The following RNF167 variants were observed in gnomAD, a reference collection of about 807,000 sequenced individuals.
RNF167 encodes E3 ubiquitin-protein ligase RNF167.
RNF167 carries 19 observed loss-of-function variants against 34.8 expected under a neutral mutation model. The observed-to-expected ratio is 0.55, with a 90% CI of 0.38 to 0.80. The LOEUF is 0.80. Ranked by LOEUF, RNF167 falls within the 30% of genes least tolerant of loss-of-function variation. The probability of loss-of-function intolerance (pLI) is 0.00; values close to 1 mark genes in which losing one functional copy is unlikely to be tolerated. For synonymous variants in RNF167, 200 were observed against 170.4 expected (o/e 1.17, Z -1.35); for missense variants, 464 against 447.0 (o/e 1.04, Z -0.34).
intron 6 of RNF167, 42 bp downstream of exon 6, chr17:4,942,983 G>A (rs1170967141): frequency 7.6e-6 from 12 of 1,580,914 alleles, no homozygotes; most frequent in Non-Finnish European, 1.0e-5. Flanking sequence ...TCAGCAAGCA[G>A]TTCCATGCCA....
chr17:4,940,775 T>C lies in RNF167; in HGVS notation c.-135T>C. 1.4e-6 allele frequency: 1 copy of C among 706,866 alleles called. No individual in the cohort carries two copies. Among genetic ancestry groups the C allele is most frequent in the Non-Finnish European group, 2.2e-6 (1 of 445,654 alleles). The allele number at this position is 706,866 out of a possible 1,614,324, so 43.8% of individuals were successfully genotyped here. On this transcript the variant is annotated 5_prime_UTR_variant, in exon 2 of 10. It removes an upstream start codon present in the reference 5' UTR. Transcript: ENST00000262482. ...TGGTGTTCCTTCCCCGGCGCCCCCA[T>C]GTAGCTGGGAAGTGGGACCTGGGGG...
intron 7 of RNF167, 26 bp from the exon 8 acceptor site, chr17:4,943,400 T>C: frequency 1.9e-6 from 3 of 1,608,190 alleles, no homozygotes; most frequent in Non-Finnish European, 2.6e-6. Context: ...TCCTAAGCCT[T>C]GTCCATCCAC....
Position 4,941,119 on chromosome 17 carries a change from GCT to G in RNF167, c.130_131del (p.Leu44ValfsTer51). 6.2e-7 allele frequency: 1 copy of G among 1,614,222 alleles called. No individual in the cohort carries two copies. The highest frequency in any genetic ancestry group is 8.5e-7 in the Non-Finnish European group (1 of 1,180,030). On this transcript the variant is annotated frameshift_variant, in exon 3 of 10. Transcript: ENST00000262482. LOFTEE classifies it high-confidence loss of function. ...CAGCATGGACTTTGCAGACCTTCCA[GCT>G]CTGTTTGGGGCTACCTTGAGCCAGG... ...NASMDFADLP[A>X]LFGATLSQEG...
In RNF167 at chr17:4,942,907, G is replaced by T; in HGVS notation, c.436G>T (p.Glu146Ter). The T allele has an allele frequency of 6.2e-7, 1 of 1,614,142 alleles. No individual in the cohort carries two copies. The highest frequency in any genetic ancestry group is 8.5e-7 in the Non-Finnish European group (1 of 1,180,026). Residue 146 changes from glutamate to a stop codon, truncating the protein, a stop_gained, in exon 6 of 10, where the codon GAG becomes TAG. Transcript: ENST00000262482. LOFTEE classifies it high-confidence loss of function. ...PSVFIGERSS[E>*]YLRALFVYEK... ...TGTATTTATTGGGGAGAGAAGCTCC[G>T]AGTACCTGCGTGCCCTCTTTGTCTA...
intron 3 of RNF167, 44 bp from the exon 4 acceptor site, chr17:4,942,297 T>A: frequency 1.2e-6 from 2 of 1,604,982 alleles, no homozygotes; most frequent in East Asian, 2.2e-5. Context: ...GAGAGCAGAA[T>A]CTAGAAAGGA....
intron 8 of RNF167, among the ~76,000 whole-genome samples, chr17:4,943,879 C>G (rs1471901441): frequency 6.6e-6 from 1 of 152,150 alleles, no homozygotes; most frequent in Non-Finnish European, 1.5e-5. Flanking sequence ...GTAGTCCCAG[C>G]TAATTGGGAG....
Position 4,941,483 on chromosome 17 carries a change from G to A in RNF167, c.165+326G>A, listed in dbSNP as rs535346139. Among the ~76,000 whole-genome samples the A allele has an allele frequency of 9.2e-5, 14 of 152,324 alleles. No individual in the cohort carries two copies. The South Asian group carries it at 2.7e-3, about 29-fold the overall frequency. ...TTATTGCTTATATGACTTTGGGCAAGTTAATCTCTCTGAGCCTTAGTTTGT... is the reference window on the plus strand; with the variant it reads ...TTATTGCTTATATGACTTTGGGCAAATTAATCTCTCTGAGCCTTAGTTTGT... On this transcript the variant is annotated intron_variant, in intron 3 of 9. Transcript: ENST00000262482.
rs773228461 is a variant in RNF167, at chr17:4,941,095, A to C, written c.103A>C (p.Ser35Arg). Residue 35 changes from serine to arginine, a missense_variant, in exon 3 of 10, where the codon AGC becomes CGC. Transcript: ENST00000262482. ...LIRATSDHNA[S>R]MDFADLPALF... ...TCCGCAGACCTCGGACCACAATGCC[A>C]GCATGGACTTTGCAGACCTTCCAGC... 6.2e-7 allele frequency: 1 copy of C among 1,614,252 alleles called. No homozygotes were observed. The highest frequency in any genetic ancestry group is 1.1e-5 in the South Asian group (1 of 91,082).
Position 4,945,036 on chromosome 17 carries a change from C to T in RNF167, c.*20C>T, listed in dbSNP as rs2151131900. The T allele has an allele frequency of 6.6e-7, 1 of 1,513,328 alleles. No homozygotes were observed. The highest frequency in any genetic ancestry group is 8.9e-7 in the Non-Finnish European group (1 of 1,129,142). 93.7% of individuals were successfully genotyped at this position (1,513,328 alleles called of 1,614,324 possible). On this transcript the variant is annotated 3_prime_UTR_variant, in exon 10 of 10. Coordinates refer to ENST00000262482, the MANE Select transcript of RNF167 (RefSeq NM_015528.3). ...GTCTAATAACCCCCCACACATACAC[C>T]TCTGGTGACCTATTTGCACAGACCG...
In RNF167 at chr17:4,942,355, G is replaced by T; in HGVS notation, c.180G>T (p.Glu60Asp). The change falls in exon 4 of 10, where the codon GAG becomes GAT. Residue 60 changes from glutamate (E) to aspartate (D), a missense_variant. Physicochemically the swap from Glu to Asp is conservative, Grantham distance 45 (BLOSUM62 2). Coordinates refer to ENST00000262482, the MANE Select transcript of RNF167 (RefSeq NM_015528.3). ...CCATCCTTCAGGGGTTCCTTGTGGA[G>T]GCTCACCCAGACAATGCCTGCAGCC... Reference protein sequence around the residue: ...SQEGLQGFLVEAHPDNACSPI... With the variant: ...SQEGLQGFLVDAHPDNACSPI... 6.2e-7 allele frequency: 1 copy of T among 1,613,980 alleles called. No individual in the cohort carries two copies. Among genetic ancestry groups the T allele is most frequent in the Non-Finnish European group, 8.5e-7 (1 of 1,180,016 alleles).
intron 8 of RNF167, among the ~76,000 whole-genome samples, chr17:4,943,861 G>A (rs373450945): frequency 1.8e-4 from 28 of 152,318 alleles, no homozygotes; most frequent in African/African-American, 6.7e-4. Context: ...GCATGGTGGT[G>A]TGCACTTGTA....
intron 3 of RNF167, 136 bp from the exon 4 acceptor site, chr17:4,942,205 C>A: frequency 1.0e-6 from 1 of 985,942 alleles, no homozygotes; most frequent in Non-Finnish European, 1.5e-6. Context: ...TGGTGGGATG[C>A]TCACTCAGAC....
chr17:4,944,301 A>G, intron 8 of RNF167: 1 of 744,986 alleles, frequency 1.3e-6, no homozygotes, highest in South Asian at 3.5e-5. Flanking sequence ...AGCCCTGCCC[A>G]TTTCCGTTCC....
Position 4,941,126 on chromosome 17 carries a change from T to C in RNF167, c.134T>C (p.Phe45Ser). Residue 45 changes from phenylalanine to serine, a missense_variant, in exon 3 of 10, where the codon TTT (phenylalanine) becomes TCT (serine). Physicochemically the swap from Phe to Ser is radical, Grantham distance 155. Transcript: ENST00000262482. ...SMDFADLPAL[F>S]GATLSQEGLQ... ...GACTTTGCAGACCTTCCAGCTCTGT[T>C]TGGGGCTACCTTGAGCCAGGAGGGC... 3 of 1,614,094 alleles carry C rather than the reference T, an allele frequency of 1.9e-6. No individual in the cohort carries two copies. The South Asian group carries it at 3.3e-5, about 18-fold the overall frequency.
rs1970648776 is a variant in RNF167 at position 4,940,280 on chromosome 17, T to C, written c.-504T>C. ...GCGCTCTCGCGATAGACACAGCAAC[T>C]ATTCAGCTGCGAGGGGACGGGAGAG... On this transcript the variant is annotated 5_prime_UTR_variant, in exon 1 of 10. Transcript: ENST00000262482. 5.2e-6 allele frequency: 1 copy of C among 191,660 alleles called. No homozygotes were observed. The highest frequency in any genetic ancestry group is 1.4e-4 in the South Asian group (1 of 6,986). 11.9% of individuals were successfully genotyped at this position (191,660 alleles called of 1,614,324 possible). A position where few individuals can be genotyped will look rare whatever the true frequency, so the allele number is the denominator to read the frequency against.
chr17:4,944,060 G>GT (rs1430788983), intron 8 of RNF167, among the ~76,000 whole-genome samples: 1 of 152,226 alleles, frequency 6.6e-6, no homozygotes, highest in Non-Finnish European at 1.5e-5. Flanking sequence ...CTTTTCTTCT[G>GT]TTTTTATGCA....
At chr17:4,942,499 G>A (rs1273058151) in intron 4 of RNF167, 33 bp downstream of exon 4, 4 of 1,613,184 alleles carry the variant, frequency 2.5e-6, no homozygotes, top group Non-Finnish European at 3.4e-6. Context: ...CTGGGCAGCT[G>A]AGGGTAAAAA....
In RNF167 at chr17:4,941,002, G is replaced by GA; in HGVS notation, c.84+10dup. 6.2e-7 allele frequency: 1 copy of GA among 1,613,292 alleles called. No homozygotes were observed. Among genetic ancestry groups the GA allele is most frequent in the Non-Finnish European group, 8.5e-7 (1 of 1,179,352 alleles). On this transcript the variant is annotated intron_variant, in intron 2 of 9. Transcript: ENST00000262482. ...GGGGGCTCATTCGAGCGGTGAGTCT[G>GA]AGGGACGGATGGGGAAAGGGCGCTG...
chr17:4,944,114 TTAAG>T (rs1971127245), intron 8 of RNF167, among the ~76,000 whole-genome samples: 1 of 152,208 alleles, frequency 6.6e-6, no homozygotes, highest in Admixed American at 6.5e-5. Flanking sequence ...GCAAAGATGA[TTAAG>T]TGAAATAATT....
Sources: gnomAD v4.1 joint callset for allele counts (sites outside exome capture counted in the v4.1 genomes callset) on GRCh38, gnomAD v4.1.1 for gene constraint, MANE v1.5 for transcripts, NCBI Gene and HGNC (gene_info 2026-07-23, HGNC 2026-07-21) for gene names.